TAAR1: variants seen among roughly 807,000 people sequenced by gnomAD.
TAAR1 encodes trace amine-associated receptor 1.
Under a neutral mutation model 1.2 loss-of-function variants are expected in TAAR1, and 1 was observed. The observed-to-expected ratio is 0.81, with a 90% confidence interval of 0.29 to 3.86. The LOEUF (loss-of-function observed/expected upper bound fraction) is 3.86. TAAR1 is among the 30% of genes most tolerant of loss of function. TAAR1 has a pLI of 0.18. For synonymous variants in TAAR1, 153 were observed against 132.2 expected (o/e 1.16, Z -1.08); for missense variants, 445 against 405.6 (o/e 1.10, Z -0.83).
chr6:132,646,686 T>C (rs1185042524), intron 1 of TAAR1, among the ~76,000 whole-genome samples: 1 of 152,136 alleles, frequency 6.6e-6, no homozygotes, highest in Non-Finnish European at 1.5e-5. Context: ...CTACATATAT[T>C]CCATGCATTA....
Position 132,652,190 on chromosome 6 carries a change from G to C in TAAR1, c.-126-6061C>G, listed in dbSNP as rs112664019. Among the ~76,000 whole-genome samples the C allele has an allele frequency of 7.8e-3, 1,193 of 152,114 alleles. 17 individuals are homozygous for C. Among genetic ancestry groups the C allele is most frequent in the African/African-American group, 0.027 (1,115 of 41,522 alleles). On this transcript the variant is annotated intron_variant, in intron 1 of 1. Transcript: ENST00000275216. ...TTTTTTTTTCCATTGGTGTTCAGAG[G>C]AGAGGTTATATGAAATACTTTTGGC...
At chr6:132,650,746 G>A (rs1467816232) in intron 1 of TAAR1, among the ~76,000 whole-genome samples, 1 of 152,068 alleles carries the variant, frequency 6.6e-6, no homozygotes. Flanking sequence ...CCTTTCCTCA[G>A]ATGTGCCCCA....
In TAAR1 at chr6:132,645,248, T is replaced by G; in HGVS notation, c.756A>C (p.Thr252=). ...SQSKERKAVK[T]LGIVMGVFLI... is the part of the protein sequence containing the mutation. The stretch of plus-strand genomic sequence containing the variant: ...GGAAAACTCCCATCACAATCCCCAA[T>G]GTCTTCACAGCTTTCCTTTCTTTGC... Residue 252 remains threonine, a synonymous_variant, in exon 2 of 2, where the codon ACA becomes ACC. Transcript: ENST00000275216. 9.3e-6 allele frequency: 15 copies of G among 1,613,756 alleles called. No individual in the cohort carries two copies. Among genetic ancestry groups the G allele is most frequent in the Non-Finnish European group, 1.3e-5 (15 of 1,179,778 alleles).
intron 1 of TAAR1, among the ~76,000 whole-genome samples, chr6:132,647,669 A>G (rs549692336): frequency 6.8e-6 from 1 of 146,706 alleles, no homozygotes; most frequent in East Asian, 2.0e-4. Context: ...AGAAAGAAAG[A>G]AAGAAAGAAA....
intron 1 of TAAR1, among the ~76,000 whole-genome samples, chr6:132,658,581 A>G (rs979036567): frequency 2.0e-5 from 3 of 152,146 alleles, no homozygotes; most frequent in Non-Finnish European, 4.4e-5. Flanking sequence ...ACATTTGAAA[A>G]TGTACTGGGA....
At position 132,646,041 on chromosome 6, in the gene TAAR1, G is replaced by A; in HGVS notation, c.-38C>T. ...TCAATCAGTTTACTTTTCCCTTTGT[G>A]TGTTGATTTATCTTTTTCCCAAATC... On this transcript the variant is annotated 5_prime_UTR_variant, in exon 2 of 2. Coordinates refer to ENST00000275216, the MANE Select transcript of TAAR1 (RefSeq NM_138327.4). The A allele has an allele frequency of 6.5e-7, 1 of 1,527,248 alleles. No individual in the cohort carries two copies. The highest frequency in any genetic ancestry group is 8.8e-7 in the Non-Finnish European group (1 of 1,137,208). The allele number at this position is 1,527,248 out of a possible 1,614,324, so 94.6% of individuals were successfully genotyped here.
At position 132,645,137 on chromosome 6, in the gene TAAR1, C is replaced by A. The variant is rs1369204282; in HGVS notation, c.867G>T (p.Leu289Phe). Reference sequence around the variant, plus strand: ...TAGAGTTCAAGTAGCCAAACCAAATCAATACATCATTCAAAGTAGGTGGAA... The same window carrying A: ...TAGAGTTCAAGTAGCCAAACCAAATAAATACATCATTCAAAGTAGGTGGAA... ...YIIPPTLNDV[L>F]IWFGYLNSTF... The change falls in exon 2 of 2, where the codon TTG becomes TTT. Residue 289 changes from leucine (L) to phenylalanine (F), a missense_variant. Coordinates refer to ENST00000275216, the MANE Select transcript of TAAR1 (RefSeq NM_138327.4). 1 of 1,612,950 alleles carries A rather than the reference C, an allele frequency of 6.2e-7. No homozygotes were observed. Among genetic ancestry groups the A allele is most frequent in the Non-Finnish European group, 8.5e-7 (1 of 1,179,598 alleles).
Position 132,645,229 on chromosome 6 carries a change from C to T in TAAR1, c.775G>A (p.Val259Ile). 3 of 1,613,686 alleles carry T rather than the reference C, an allele frequency of 1.9e-6. No individual in the cohort carries two copies. The highest frequency in any genetic ancestry group is 2.5e-6 in the Non-Finnish European group (3 of 1,179,746). ...AVKTLGIVMGVFLICWCPFFI... is the reference protein window; with the variant it reads ...AVKTLGIVMGIFLICWCPFFI... ...AAAGGGCACCAGCATATTAGGAAAA[C>T]TCCCATCACAATCCCCAATGTCTTC... Residue 259 changes from valine to isoleucine, a missense_variant, in exon 2 of 2, where the codon GTT (valine) becomes ATT (isoleucine). Val to Ile is a conservative substitution (Grantham distance 29). Transcript: ENST00000275216.
rs567235150 is a variant in TAAR1, at chr6:132,650,086, C to A, written c.-126-3957G>T. On this transcript the variant is annotated intron_variant, in intron 1 of 1. Coordinates refer to ENST00000275216, the MANE Select transcript of TAAR1 (RefSeq NM_138327.4). ...CTCATCTCACCTTCCATGGTCATATCCCCGGATGTCATTATCAATGACAAG... is the reference window on the plus strand; with the variant it reads ...CTCATCTCACCTTCCATGGTCATATACCCGGATGTCATTATCAATGACAAG... 2.6e-5 allele frequency among the ~76,000 whole-genome samples: 4 copies of A among 152,260 alleles called. No homozygotes were observed. The South Asian group carries it at 8.3e-4, about 32-fold the overall frequency.
chr6:132,658,479 G>T (rs994798769), intron 1 of TAAR1, among the ~76,000 whole-genome samples: 2 of 152,058 alleles, frequency 1.3e-5, no homozygotes. Context: ...GTAACTAAAA[G>T]GTTCTTAAGT....
intron 1 of TAAR1, among the ~76,000 whole-genome samples, chr6:132,651,178 A>T (rs377627169): frequency 6.7e-4 from 102 of 152,120 alleles, no homozygotes; most frequent in African/African-American, 2.4e-3. Context: ...CTGCTATCTC[A>T]CAAGCTGCTC....
At chr6:132,652,118 G>A (rs1179653969) in intron 1 of TAAR1, among the ~76,000 whole-genome samples, 1 of 152,054 alleles carries the variant, frequency 6.6e-6, no homozygotes, top group Non-Finnish European at 1.5e-5. Flanking sequence ...AGACAAGGCA[G>A]CAAAAACTAC....
chr6:132,645,430 C>A lies in TAAR1; in HGVS notation c.574G>T (p.Val192Leu). Residue 192 changes from valine (V) to leucine (L), a missense_variant, in exon 2 of 2, where the codon GTA becomes TTA. Coordinates refer to ENST00000275216, the MANE Select transcript of TAAR1 (RefSeq NM_138327.4). The stretch of plus-strand genomic sequence containing the variant: ...TAAAAAGAAGTCATAAAGGTCAGTA[C>A]CCCAGATATTTTGCTAAAGAAGACA... ...CSVFFSKISGVLTFMTSFYIP... is the reference protein window; with the variant it reads ...CSVFFSKISGLLTFMTSFYIP... 1.2e-6 allele frequency: 2 copies of A among 1,613,656 alleles called. No homozygotes were observed. Among genetic ancestry groups the A allele is most frequent in the Non-Finnish European group, 1.7e-6 (2 of 1,179,800 alleles).
chr6:132,645,746 CT>C lies in TAAR1; in HGVS notation c.257del (p.Glu86GlyfsTer21). 2.5e-6 allele frequency: 4 copies of C among 1,613,736 alleles called. No individual in the cohort carries two copies. Among genetic ancestry groups the C allele is most frequent in the Non-Finnish European group, 3.4e-6 (4 of 1,179,828 alleles). On this transcript the variant is annotated frameshift_variant, in exon 2 of 2. Coordinates refer to ENST00000275216, the MANE Select transcript of TAAR1 (RefSeq NM_138327.4). LOFTEE classifies it low-confidence loss of function (END_TRUNC). ...VMPYSMVRSAEHCWYFGEVFC... is the reference protein window; with the variant it reads ...VMPYSMVRSAXHCWYFGEVFC... ...AGACTTCTCCAAAATACCAACAGTG[CT>C]CAGCAGATCTCACCATACTGTAAGG...
At chr6:132,650,686 C>T (rs77388734) in intron 1 of TAAR1, among the ~76,000 whole-genome samples, 3,333 of 152,220 alleles carry the variant, frequency 0.022, 92 homozygotes, top group East Asian at 0.12. Flanking sequence ...CAGCCCACTC[C>T]CTTATTGCTG....
At chr6:132,647,689 AAGGAAG>A (rs1274805323) in intron 1 of TAAR1, among the ~76,000 whole-genome samples, 4 of 151,706 alleles carry the variant, frequency 2.6e-5, no homozygotes, top group African/African-American at 9.7e-5. Context: ...AGAAGAAAGA[AAGGAAG>A]GAAGGAAAGA....
rs2114267871 is a variant in TAAR1, at chr6:132,644,166, C to A, written c.*818G>T. Among the ~76,000 whole-genome samples, 1 of 152,064 alleles carries A rather than the reference C, an allele frequency of 6.6e-6. No homozygotes were observed. The highest frequency in any genetic ancestry group is 1.9e-4 in the East Asian group (1 of 5,180). Reference sequence around the variant, plus strand: ...AATGGTTAAAAATATATTTGTACATCTGTGCAGTCACGTTATACAGCCACA... The same window carrying A: ...AATGGTTAAAAATATATTTGTACATATGTGCAGTCACGTTATACAGCCACA... On this transcript the variant is annotated 3_prime_UTR_variant, in exon 2 of 2. Transcript: ENST00000275216.
At chr6:132,649,982 T>C (rs975856917) in intron 1 of TAAR1, among the ~76,000 whole-genome samples, 1 of 152,184 alleles carries the variant, frequency 6.6e-6, no homozygotes, top group African/African-American at 2.4e-5. Flanking sequence ...AATTTTATTG[T>C]CCACCTAAAT....
At chr6:132,658,991 C>G (rs1310294843) in intron 1 of TAAR1, among the ~76,000 whole-genome samples, 139 bp downstream of exon 1, 1 of 152,150 alleles carries the variant, frequency 6.6e-6, no homozygotes, top group African/African-American at 2.4e-5. Flanking sequence ...ACTAAATAAT[C>G]CTAAATTTTA....
Sources: gnomAD v4.1 joint callset for allele counts (sites outside exome capture counted in the v4.1 genomes callset) on GRCh38, gnomAD v4.1.1 for gene constraint, MANE v1.5 for transcripts, NCBI Gene and HGNC (gene_info 2026-07-23, HGNC 2026-07-21) for gene names.